Variants in KLF12 observed in about 807,000 individuals in gnomAD.
The protein encoded by KLF12 is Krueppel-like factor 12.
KLF12 carries 9 observed loss-of-function variants against 37.8 expected under a neutral mutation model. That is an observed-to-expected ratio of 0.24 (90% confidence interval 0.14 to 0.42). The LOEUF is 0.42. Ranked by LOEUF, KLF12 falls within the 10% of genes least tolerant of loss-of-function variation. The pLI is 1.00. For missense variants in KLF12, 411 were observed against 516.0 expected (o/e 0.80, Z 1.97); for synonymous variants, 208 against 202.1 (o/e 1.03, Z -0.25).
chr13:73,822,174 AT>A (rs1330088242), intron 4 of KLF12, among the ~76,000 whole-genome samples: 9 of 152,238 alleles, frequency 5.9e-5, no homozygotes, highest in African/African-American at 1.9e-4. Flanking sequence ...AAAAAATTAC[AT>A]TCTGACTTAC....
the KLF12 span, among the ~76,000 whole-genome samples, chr13:74,210,872 A>C: frequency 6.6e-6 from 1 of 152,136 alleles, no homozygotes; most frequent in Non-Finnish European, 1.5e-5. Flanking sequence ...GCTGGTTGCC[A>C]ACTCACAGGC....
chr13:73,970,505 G>C (rs1258007180), intron 2 of KLF12, among the ~76,000 whole-genome samples: 1 of 152,156 alleles, frequency 6.6e-6, no homozygotes, highest in Non-Finnish European at 1.5e-5. Flanking sequence ...CAGAGGATCT[G>C]AGTGAGCTTC....
At chr13:73,841,927 C>T (rs1304977372) in intron 4 of KLF12, among the ~76,000 whole-genome samples, 4 of 152,058 alleles carry the variant, frequency 2.6e-5, no homozygotes, top group Non-Finnish European at 5.9e-5. Context: ...TTTACTATAC[C>T]TTCTAGGACA....
In KLF12 at chr13:74,039,707, G is replaced by A. The variant is rs935225737; in HGVS notation, c.-31-44654C>T. The stretch of plus-strand genomic sequence containing the variant: ...GGGAAATAAAAAATGAAATATCAAT[G>A]TTATATTTCAAAAGCGTAATACAAT... On this transcript the variant is annotated intron_variant, in intron 1 of 7. Transcript: ENST00000377669. Among the ~76,000 whole-genome samples, 14 of 152,298 alleles carry A rather than the reference G, an allele frequency of 9.2e-5. No homozygotes were observed. In the South Asian group the frequency reaches 2.3e-3, roughly 25 times the overall value.
At chr13:73,840,775 A>T (rs1156342080) in intron 4 of KLF12, among the ~76,000 whole-genome samples, 1 of 151,982 alleles carries the variant, frequency 6.6e-6, no homozygotes, top group Non-Finnish European at 1.5e-5. Context: ...AAAACCAAAG[A>T]CTGTACAGCA....
intron 1 of KLF12, among the ~76,000 whole-genome samples, chr13:74,066,710 T>C (rs185085402): frequency 2.3e-4 from 35 of 152,322 alleles, no homozygotes; most frequent in Admixed American, 7.2e-4. Flanking sequence ...GGTGATGTTA[T>C]ATGTGAATAT....
chr13:74,132,058 G>A (rs1692279827), intron 1 of KLF12, among the ~76,000 whole-genome samples: 1 of 152,070 alleles, frequency 6.6e-6, no homozygotes, highest in Non-Finnish European at 1.5e-5. Flanking sequence ...CAATTTCTAT[G>A]TGGTCTTAAA....
chr13:74,110,927 C>T (rs1876934639), intron 1 of KLF12, among the ~76,000 whole-genome samples: 1 of 152,010 alleles, frequency 6.6e-6, no homozygotes, highest in Admixed American at 6.5e-5. Flanking sequence ...CTGAGGTGGG[C>T]GGATCACCTG....
intron 5 of KLF12, among the ~76,000 whole-genome samples, chr13:73,789,227 T>C (rs1188734963): frequency 6.6e-6 from 1 of 152,222 alleles, no homozygotes; most frequent in Non-Finnish European, 1.5e-5. Flanking sequence ...ACCATGGTGA[T>C]ACTCTACATC....
chr13:74,230,856 A>G, the KLF12 span, among the ~76,000 whole-genome samples: 1 of 151,978 alleles, frequency 6.6e-6, no homozygotes, highest in African/African-American at 2.4e-5. Flanking sequence ...GCCTCATGGA[A>G]TTTTCATTCT....
At chr13:74,243,305 T>G in the KLF12 span, among the ~76,000 whole-genome samples, 9 of 152,170 alleles carry the variant, frequency 5.9e-5, no homozygotes, top group East Asian at 1.5e-3. Flanking sequence ...TATGGCTGCA[T>G]AGTATTCCAT....
intron 1 of KLF12, among the ~76,000 whole-genome samples, chr13:74,057,567 C>T (rs1350809191): frequency 1.3e-5 from 2 of 152,234 alleles, no homozygotes; most frequent in South Asian, 2.1e-4. Context: ...ATCAATCAGT[C>T]ACTTCCACCT....
chr13:73,776,382 A>G (rs1455691975), intron 5 of KLF12, among the ~76,000 whole-genome samples: 1 of 152,218 alleles, frequency 6.6e-6, no homozygotes, highest in Non-Finnish European at 1.5e-5. Context: ...ATACAGAGAC[A>G]CTTTATTTCA....
chr13:73,859,363 C>CA (rs1279809465), intron 3 of KLF12, among the ~76,000 whole-genome samples: 1 of 152,174 alleles, frequency 6.6e-6, no homozygotes, highest in Non-Finnish European at 1.5e-5. Flanking sequence ...CCCAGTGGAA[C>CA]ATAGACCTGT....
chr13:73,939,436 A>T (rs772073992), intron 3 of KLF12, among the ~76,000 whole-genome samples: 18 of 151,964 alleles, frequency 1.2e-4, no homozygotes, highest in Non-Finnish European at 1.9e-4. Context: ...GTGTTCCATT[A>T]TTTCACATAA....
At chr13:73,934,813 C>T (rs1889850085) in intron 3 of KLF12, among the ~76,000 whole-genome samples, 2 of 151,878 alleles carry the variant, frequency 1.3e-5, no homozygotes, top group Non-Finnish European at 2.9e-5. Flanking sequence ...TCTGATCTCC[C>T]TCTTCTTGAA....
the KLF12 span, among the ~76,000 whole-genome samples, chr13:74,293,774 T>C: frequency 6.6e-6 from 1 of 152,224 alleles, no homozygotes; most frequent in African/African-American, 2.4e-5. Context: ...AGCATCTGCC[T>C]TTTGTATATT....
intron 1 of KLF12, among the ~76,000 whole-genome samples, chr13:74,082,101 G>A (rs1874930602): frequency 6.7e-6 from 1 of 150,096 alleles, no homozygotes; most frequent in Non-Finnish European, 1.5e-5. Context: ...GCTGAGGCAG[G>A]AGGACTGCTC....
chr13:73,981,290 C>CTT (rs1485130161), intron 2 of KLF12, among the ~76,000 whole-genome samples: 2 of 150,466 alleles, frequency 1.3e-5, no homozygotes, highest in African/African-American at 2.4e-5. Flanking sequence ...AGAAAATCTT[C>CTT]TATATTTGTA....
Sources: gnomAD v4.1 joint callset for allele counts (sites outside exome capture counted in the v4.1 genomes callset) on GRCh38, gnomAD v4.1.1 for gene constraint, MANE v1.5 for transcripts, NCBI Gene and HGNC (gene_info 2026-07-23, HGNC 2026-07-21) for gene names.